Variants in ASCL2 observed in about 807,000 individuals in gnomAD.
ASCL2 encodes achaete-scute homolog 2.
ASCL2 carries 6 observed loss-of-function variants against 5.1 expected under a neutral mutation model. That is an observed-to-expected ratio of 1.17 (90% CI 0.64 to 2.31). The LOEUF (loss-of-function observed/expected upper bound fraction) is 2.31, where lower values mean the gene tolerates loss of function less well. Among genes scored for constraint, ASCL2 ranks in the 30% most tolerant of loss-of-function variants. The probability of loss-of-function intolerance (pLI) is 0.00; values close to 1 mark genes in which losing one functional copy is unlikely to be tolerated. For synonymous variants in ASCL2, 174 were observed against 157.3 expected (o/e 1.11, Z -0.80); for missense variants, 320 against 310.3 (o/e 1.03, Z -0.23).
rs767204616 is a variant in ASCL2, at chr11:2,270,243, T to G, written c.90A>C (p.Glu30Asp). The G allele has an allele frequency of 7.0e-7, 1 of 1,424,154 alleles. No individual in the cohort carries two copies. The highest frequency in any genetic ancestry group is 9.1e-7 in the Non-Finnish European group (1 of 1,095,350). 88.2% of individuals were successfully genotyped at this position (1,424,154 alleles called of 1,614,324 possible). Residue 30 changes from glutamate (E) to aspartate (D), a missense_variant, in exon 1 of 2, where the codon GAA becomes GAC. Coordinates refer to ENST00000331289, the MANE Select transcript of ASCL2 (RefSeq NM_005170.3). ...GCCGCCGCCGGCTGCAGCGCAACAG[T>G]TCCGGGGACGCGGGTCTCCGCCGGG... ...CAARRRPASP[E>D]LLRCSRRRRP... is the part of the protein sequence containing the mutation.
chr11:2,269,920 G>A lies in ASCL2; in HGVS notation c.413C>T (p.Pro138Leu), dbSNP rs1436779327. ...AGCGCGGGAGGGCGAGGCGGCGACCGGGGTGGTCCCTGGCGGCCCGCGGGG... is the reference window on the plus strand; with the variant it reads ...AGCGCGGGAGGGCGAGGCGGCGACCAGGGTGGTCCCTGGCGGCCCGCGGGG... ...SAPRGPPGTT[P>L]VAASPSRASS... Residue 138 changes from proline (P) to leucine (L), a missense_variant, in exon 1 of 2, where the codon CCG becomes CTG. By Grantham distance (98) the Pro-to-Leu change is moderately conservative. Transcript: ENST00000331289. The A allele has an allele frequency of 7.8e-6, 10 of 1,283,442 alleles. No homozygotes were observed. The highest frequency in any genetic ancestry group is 2.7e-5 in the South Asian group (1 of 36,576). 79.5% of individuals were successfully genotyped at this position (1,283,442 alleles called of 1,614,324 possible). A position where few individuals can be genotyped will look rare whatever the true frequency, so the allele number is the denominator to read the frequency against.
rs1218632966 is a variant in ASCL2 at position 2,270,092 on chromosome 11, C to T, written c.241G>A (p.Gly81Ser). ...ACCTTGCTCAGCTTCTTGCTGGCGC[C>T]GCCGTGCGGCACGTGCTGCCGCAGC... ...QALRQHVPHG[G>S]ASKKLSKVET... The change falls in exon 1 of 2, where the codon GGC becomes AGC. Residue 81 changes from glycine to serine, a missense_variant. By Grantham distance (56) the Gly-to-Ser change is moderately conservative. Transcript: ENST00000331289. The T allele has an allele frequency of 2.0e-6, 3 of 1,501,526 alleles. No individual in the cohort carries two copies. The highest frequency in any genetic ancestry group is 2.7e-6 in the Non-Finnish European group (3 of 1,129,968). 93.0% of individuals were successfully genotyped at this position (1,501,526 alleles called of 1,614,324 possible). A position where few individuals can be genotyped will look rare whatever the true frequency, so the allele number is the denominator to read the frequency against.
At position 2,269,800 on chromosome 11, in the gene ASCL2, G is replaced by A. The variant is rs1211420131; in HGVS notation, c.533C>T (p.Pro178Leu). 9.0e-6 allele frequency: 13 copies of A among 1,444,116 alleles called. No individual in the cohort carries two copies. Among genetic ancestry groups the A allele is most frequent in the Non-Finnish European group, 1.2e-5 (13 of 1,092,316 alleles). 89.5% of individuals were successfully genotyped at this position (1,444,116 alleles called of 1,614,324 possible). Reference protein sequence around the residue: ...DDSGCEGALSPAERELLDFSS... With the variant: ...DDSGCEGALSLAERELLDFSS... Reference sequence around the variant, plus strand: ...GAAGTCGAGTAGCTCGCGCTCCGCAGGACTCAGCGCGCCTTCGCAGCCGCT... The same window carrying A: ...GAAGTCGAGTAGCTCGCGCTCCGCAAGACTCAGCGCGCCTTCGCAGCCGCT... Residue 178 changes from proline to leucine, a missense_variant, in exon 1 of 2, where the codon CCT becomes CTT. By Grantham distance (98) the Pro-to-Leu change is moderately conservative. Coordinates refer to ENST00000331289, the MANE Select transcript of ASCL2 (RefSeq NM_005170.3).
intron 1 of ASCL2, among the ~76,000 whole-genome samples, chr11:2,269,398 A>C (rs1416036424): frequency 1.3e-5 from 2 of 151,012 alleles, no homozygotes; most frequent in Non-Finnish European, 3.0e-5. Flanking sequence ...TTTGCAATGC[A>C]AAGTCACCCC....
chr11:2,270,018 C>A lies in ASCL2; in HGVS notation c.315G>T (p.Leu105=). The change falls in exon 1 of 2, where the codon CTG becomes CTT. Residue 105 remains leucine (L), a synonymous_variant. Transcript: ENST00000331289. ...TGCGCACGGCGTCGTGCTCGGCCAG[C>A]AGGCGCTGCAGCGCGCGGATGTACT... is the stretch of plus-strand genomic sequence containing the variant. ...AVEYIRALQR[L]LAEHDAVRNA... is the part of the protein sequence containing the mutation. 3 of 1,387,506 alleles carry A rather than the reference C, an allele frequency of 2.2e-6. No homozygotes were observed. Among genetic ancestry groups the A allele is most frequent in the Admixed American group, 3.2e-5 (1 of 31,044 alleles). 85.9% of individuals were successfully genotyped at this position (1,387,506 alleles called of 1,614,324 possible).
rs758072033 is a variant in ASCL2 at position 2,270,100 on chromosome 11, G to A, written c.233C>T (p.Pro78Leu). The A allele has an allele frequency of 6.6e-7, 1 of 1,508,726 alleles. No individual in the cohort carries two copies. The highest frequency in any genetic ancestry group is 8.8e-7 in the Non-Finnish European group (1 of 1,133,784). 93.5% of individuals were successfully genotyped at this position (1,508,726 alleles called of 1,614,324 possible). A position where few individuals can be genotyped will look rare whatever the true frequency, so the allele number is the denominator to read the frequency against. The change falls in exon 1 of 2, where the codon CCG becomes CTG. Residue 78 changes from proline (P) to leucine (L), a missense_variant. Pro to Leu is a moderately conservative substitution (Grantham distance 98, BLOSUM62 -3). Transcript: ENST00000331289. Reference sequence around the variant, plus strand: ...CAGCTTCTTGCTGGCGCCGCCGTGCGGCACGTGCTGCCGCAGCGCCTGGAA... The same window carrying A: ...CAGCTTCTTGCTGGCGCCGCCGTGCAGCACGTGCTGCCGCAGCGCCTGGAA... ...LGFQALRQHVPHGGASKKLSK... is the reference protein window; with the variant it reads ...LGFQALRQHVLHGGASKKLSK...
chr11:2,270,289 G>A lies in ASCL2; in HGVS notation c.44C>T (p.Pro15Leu), dbSNP rs1364620076. Residue 15 changes from proline (P) to leucine (L), a missense_variant, in exon 1 of 2, where the codon CCC becomes CTC. Coordinates refer to ENST00000331289, the MANE Select transcript of ASCL2 (RefSeq NM_005170.3). The stretch of plus-strand genomic sequence containing the variant: ...CCGGGCAGCGCAGCCGACAGGGACG[G>A]GGGGCGCAGGGGGCGCGGACCTGGG... ...TLPRSAPPAPPVPVGCAARRR... is the reference protein window; with the variant it reads ...TLPRSAPPAPLVPVGCAARRR... The A allele has an allele frequency of 3.0e-6, 4 of 1,338,376 alleles. No homozygotes were observed. Among genetic ancestry groups the A allele is most frequent in the African/African-American group, 1.5e-5 (1 of 64,994 alleles). The allele number at this position is 1,338,376 out of a possible 1,614,324, so 82.9% of individuals were successfully genotyped here. A position where few individuals can be genotyped will look rare whatever the true frequency, so the allele number is the denominator to read the frequency against.
rs1004665370 is a variant in ASCL2, at chr11:2,269,765, A to G, written c.568T>C (p.Leu190=). 6.9e-6 allele frequency: 10 copies of G among 1,443,548 alleles called. No homozygotes were observed. The African/African-American group carries it at 1.5e-4, about 21-fold the overall frequency. 89.4% of individuals were successfully genotyped at this position (1,443,548 alleles called of 1,614,324 possible). A position where few individuals can be genotyped will look rare whatever the true frequency, so the allele number is the denominator to read the frequency against. ...GTCGAGGGCGCTCAGTAGCCCCCTA[A>G]CCAGCTGGAGAAGTCGAGTAGCTCG... ...ERELLDFSSW[L]GGY Residue 190 remains leucine, a synonymous_variant, in exon 1 of 2, where the codon TTA becomes CTA. Coordinates refer to ENST00000331289, the MANE Select transcript of ASCL2 (RefSeq NM_005170.3).
Position 2,270,458 on chromosome 11 carries a change from AAC to A in ASCL2, c.-128_-127del. 1 of 1,254,472 alleles carries A rather than the reference AAC, an allele frequency of 8.0e-7. No homozygotes were observed. The highest frequency in any genetic ancestry group is 3.2e-5 in the East Asian group (1 of 30,814). 77.7% of individuals were successfully genotyped at this position (1,254,472 alleles called of 1,614,324 possible). A position where few individuals can be genotyped will look rare whatever the true frequency, so the allele number is the denominator to read the frequency against. Reference sequence around the variant, plus strand: ...GGCTTCTGGCACGGCGCCGCCAGGCAACTCCCCAGGGCACGCGTCCTAGGTCG... The same window carrying A: ...GGCTTCTGGCACGGCGCCGCCAGGCATCCCCAGGGCACGCGTCCTAGGTCG... On this transcript the variant is annotated 5_prime_UTR_variant, in exon 1 of 2. The change creates a new upstream start codon in the 5' untranslated region. Transcript: ENST00000331289.
rs1214593670 is a variant in ASCL2, at chr11:2,270,260, T to C, written c.73A>G (p.Arg25Gly). 7.2e-7 allele frequency: 1 copy of C among 1,385,608 alleles called. No homozygotes were observed. The highest frequency in any genetic ancestry group is 9.3e-7 in the Non-Finnish European group (1 of 1,076,494). 85.8% of individuals were successfully genotyped at this position (1,385,608 alleles called of 1,614,324 possible). A position where few individuals can be genotyped will look rare whatever the true frequency, so the allele number is the denominator to read the frequency against. The change falls in exon 1 of 2, where the codon AGA (arginine) becomes GGA (glycine). Residue 25 changes from arginine (R) to glycine (G), a missense_variant. Arg to Gly is a moderately radical substitution (Grantham distance 125, BLOSUM62 -2). Transcript: ENST00000331289. ...PVPVGCAARRRPASPELLRCS... is the reference protein window; with the variant it reads ...PVPVGCAARRGPASPELLRCS... ...CGCAACAGTTCCGGGGACGCGGGTC[T>C]CCGCCGGGCAGCGCAGCCGACAGGG...
chr11:2,270,143 T>C lies in ASCL2; in HGVS notation c.190A>G (p.Lys64Glu). Reference sequence around the variant, plus strand: ...GCCTGGAAGCCCAAGTTCACCAGCTTCACGCGGTTGCGCTCGCGCTCATTG... The same window carrying C: ...GCCTGGAAGCCCAAGTTCACCAGCTCCACGCGGTTGCGCTCGCGCTCATTG... Reference protein sequence around the residue: ...RRNERERNRVKLVNLGFQALR... With the variant: ...RRNERERNRVELVNLGFQALR... The change falls in exon 1 of 2, where the codon AAG becomes GAG. Residue 64 changes from lysine to glutamate, a missense_variant. By Grantham distance (56) the Lys-to-Glu change is moderately conservative. Coordinates refer to ENST00000331289, the MANE Select transcript of ASCL2 (RefSeq NM_005170.3). 1 of 1,529,360 alleles carries C rather than the reference T, an allele frequency of 6.5e-7. No homozygotes were observed. The highest frequency in any genetic ancestry group is 8.7e-7 in the Non-Finnish European group (1 of 1,145,742). The allele number at this position is 1,529,360 out of a possible 1,614,324, so 94.7% of individuals were successfully genotyped here. A position where few individuals can be genotyped will look rare whatever the true frequency, so the allele number is the denominator to read the frequency against.
Sources: gnomAD v4.1 joint callset for allele counts (sites outside exome capture counted in the v4.1 genomes callset) on GRCh38, gnomAD v4.1.1 for gene constraint, MANE v1.5 for transcripts, NCBI Gene and HGNC (gene_info 2026-07-23, HGNC 2026-07-21) for gene names.